LHPP: variants seen among roughly 807,000 people sequenced by gnomAD.
LHPP encodes the protein hLHPP.
A neutral mutation model predicts 30.3 loss-of-function variants in LHPP; 24 were observed. That is an observed-to-expected ratio of 0.79 (90% CI 0.57 to 1.11). The LOEUF is 1.11. Among genes scored for constraint, LHPP ranks in the 50% most tolerant of loss-of-function variants. The pLI, the probability that LHPP is intolerant of heterozygous loss-of-function variation, is 0.00. For synonymous variants in LHPP, 150 were observed against 157.1 expected (o/e 0.95, Z 0.34); for missense variants, 356 against 367.2 (o/e 0.97, Z 0.25).
In LHPP at chr10:124,461,992, G is replaced by A; in HGVS notation, c.125+5G>A. On this transcript the variant is annotated splice_donor_5th_base_variant and intron_variant, in intron 1 of 6. Transcript: ENST00000368842. ...CTCGGTGGAGGCGGTGGCCAGGTGA[G>A]TGGGCCCCGGGACGCCGCTGGGGCC... 8.2e-7 allele frequency: 1 copy of A among 1,212,638 alleles called. No homozygotes were observed. The highest frequency in any genetic ancestry group is 1.0e-6 in the Non-Finnish European group (1 of 973,620). The allele number at this position is 1,212,638 out of a possible 1,614,324, so 75.1% of individuals were successfully genotyped here.
intron 6 of LHPP, chr10:124,526,061 A>C: frequency 2.2e-6 from 1 of 462,052 alleles, no homozygotes; most frequent in Non-Finnish European, 2.8e-6. Context: ...CCTCTTGGGA[A>C]CGTGCAGGTC....
intron 6 of LHPP, among the ~76,000 whole-genome samples, chr10:124,603,152 C>G (rs1448169105): frequency 6.6e-6 from 1 of 152,224 alleles, no homozygotes; most frequent in Non-Finnish European, 1.5e-5. Context: ...GGCAGCCTAG[C>G]TGGACACCTG....
intron 1 of LHPP, among the ~76,000 whole-genome samples, chr10:124,476,462 G>A (rs1952947162): frequency 6.6e-6 from 1 of 152,192 alleles, no homozygotes; most frequent in Non-Finnish European, 1.5e-5. Context: ...AGAGCTGGAA[G>A]GCTGGGCACC....
chr10:124,462,461 G>T (rs2091338143), intron 1 of LHPP, among the ~76,000 whole-genome samples: 1 of 152,020 alleles, frequency 6.6e-6, no homozygotes, highest in Non-Finnish European at 1.5e-5. Context: ...CGGGTGTGGT[G>T]GTGCACGCCT....
At chr10:124,538,162 GA>G (rs1246781792) in intron 6 of LHPP, among the ~76,000 whole-genome samples, 2 of 72,990 alleles carry the variant, frequency 2.7e-5, no homozygotes, top group African/African-American at 6.9e-5. Context: ...GTCACCACGC[GA>G]GTCTCACCAT....
chr10:124,506,924 A>G (rs1225739423), intron 5 of LHPP, among the ~76,000 whole-genome samples: 3 of 13,530 alleles, frequency 2.2e-4, no homozygotes, highest in Non-Finnish European at 3.6e-4. Context: ...TGGGGGGTAG[A>G]CAGGATTTCA....
intron 6 of LHPP, among the ~76,000 whole-genome samples, chr10:124,574,665 A>G (rs1187698786): frequency 6.6e-6 from 1 of 152,178 alleles, no homozygotes; most frequent in Admixed American, 6.5e-5. Flanking sequence ...TGGAGGAGGC[A>G]GCATCTGATT....
At chr10:124,577,623 C>A (rs1266557984) in intron 6 of LHPP, among the ~76,000 whole-genome samples, 2 of 103,610 alleles carry the variant, frequency 1.9e-5, no homozygotes, top group African/African-American at 5.8e-5. Context: ...CTCTCCTTCC[C>A]TGATGTGAAG....
At chr10:124,468,678 A>G (rs1952633975) in intron 1 of LHPP, among the ~76,000 whole-genome samples, 1 of 152,108 alleles carries the variant, frequency 6.6e-6, no homozygotes, top group South Asian at 2.1e-4. Flanking sequence ...AGCACCCACA[A>G]ACCTGTTTCC....
At chr10:124,495,196 C>G (rs1446176102) in intron 3 of LHPP, among the ~76,000 whole-genome samples, 2 of 152,150 alleles carry the variant, frequency 1.3e-5, no homozygotes, top group African/African-American at 2.4e-5. Context: ...TCAGGTCCCC[C>G]CTCTGTGAGC....
chr10:124,497,310 C>T (rs923086314), intron 4 of LHPP, among the ~76,000 whole-genome samples: 5 of 105,508 alleles, frequency 4.7e-5, no homozygotes, highest in East Asian at 4.8e-4. Flanking sequence ...TGGGCGCAGC[C>T]CCCCCTGCCC....
At position 124,593,525 on chromosome 10, in the gene LHPP, G is replaced by A. The variant is rs971570219; in HGVS notation, c.717-19739G>A. Among the ~76,000 whole-genome samples the A allele has an allele frequency of 5.3e-5, 8 of 152,326 alleles. No homozygotes were observed. Among genetic ancestry groups the A allele is most frequent in the South Asian group, 2.1e-4 (1 of 4,828 alleles). On this transcript the variant is annotated intron_variant, in intron 6 of 6. Coordinates refer to ENST00000368842, the MANE Select transcript of LHPP (RefSeq NM_022126.4). This position sits in a 1 kb window ranked among gnomAD's most constrained non-coding sequence, Gnocchi z 4.9. ...CTGGGGTCCTTGTTCTAGCCCCCGTGTGTTGGCTGCATGACCCGAACTTTA... is the reference window on the plus strand; with the variant it reads ...CTGGGGTCCTTGTTCTAGCCCCCGTATGTTGGCTGCATGACCCGAACTTTA...
rs80033765 is a variant in LHPP, at chr10:124,598,385, G to A, written c.717-14879G>A. On this transcript the variant is annotated intron_variant, in intron 6 of 6. Coordinates refer to ENST00000368842, the MANE Select transcript of LHPP (RefSeq NM_022126.4). The stretch of plus-strand genomic sequence containing the variant: ...CCTCTGCAGGGTCTGGGAGTCAGCT[G>A]TCCAGGGCCTGCTTGGCCACCGCAG... Among the ~76,000 whole-genome samples, 734 of 152,360 alleles carry A rather than the reference G, an allele frequency of 4.8e-3. 10 individuals carry two copies. The highest frequency in any genetic ancestry group is 0.032 in the Admixed American group (490 of 15,310).
In LHPP at chr10:124,541,307, G is replaced by A. The variant is rs7916782; in HGVS notation, c.716+24036G>A. 0.15 allele frequency among the ~76,000 whole-genome samples: 23,414 copies of A among 152,230 alleles called. 2,836 individuals are homozygous for A. Among genetic ancestry groups the A allele is most frequent in the African/African-American group, 0.34 (13,909 of 41,504 alleles). On this transcript the variant is annotated intron_variant, in intron 6 of 6. Transcript: ENST00000368842. This position sits in a 1 kb window ranked among gnomAD's most constrained non-coding sequence, Gnocchi z 4.2. ...TTTGGGCTGGAGCCAAACTTGATCA[G>A]AGGGAGGCTGACTTTATCGAGGGCT...
intron 5 of LHPP, among the ~76,000 whole-genome samples, chr10:124,505,963 A>C (rs1954050298): frequency 6.6e-6 from 1 of 152,146 alleles, no homozygotes; most frequent in African/African-American, 2.4e-5. Flanking sequence ...AGGATTTCTC[A>C]GGCTGGGCGC....
intron 1 of LHPP, among the ~76,000 whole-genome samples, chr10:124,470,875 C>CTTG (rs200225664): frequency 6.6e-6 from 1 of 152,076 alleles, no homozygotes. Context: ...GGGTGTTTGT[C>CTTG]GAGAACGTGC....
At chr10:124,602,072 CTCCGGGTCTAGCCAGAG>C (rs2134012565) in intron 6 of LHPP, among the ~76,000 whole-genome samples, 1 of 152,316 alleles carries the variant, frequency 6.6e-6, no homozygotes, top group African/African-American at 2.4e-5. Context: ...GCCTACAGGC[CTCCGGGTCTAGCCAGAG>C]TCAACCAGCC....
intron 5 of LHPP, among the ~76,000 whole-genome samples, chr10:124,501,250 C>A (rs1953887860): frequency 6.6e-6 from 1 of 151,728 alleles, no homozygotes; most frequent in Non-Finnish European, 1.5e-5. Context: ...GGGTCGGGTG[C>A]AGGGGAATGG....
intron 3 of LHPP, among the ~76,000 whole-genome samples, chr10:124,495,202 T>A: frequency 6.6e-6 from 1 of 152,152 alleles, no homozygotes; most frequent in East Asian, 1.9e-4. Flanking sequence ...CCCCCCTCTG[T>A]GAGCATTCAC....
Sources: allele counts gnomAD v4.1 joint callset (sites outside exome capture counted in the v4.1 genomes callset), GRCh38; gene constraint gnomAD v4.1.1; non-coding constraint Gnocchi (gnomAD v3.1); transcripts MANE v1.5; gene names NCBI Gene and HGNC (gene_info 2026-07-23, HGNC 2026-07-21).